RBFOX1: variants seen among roughly 807,000 people sequenced by gnomAD.
RBFOX1 encodes the protein RNA binding protein fox-1 homolog 1.
RBFOX1 carries 8 observed loss-of-function variants against 57.7 expected under a neutral mutation model. That is an observed-to-expected ratio of 0.14 (90% confidence interval 0.08 to 0.25). RBFOX1 has a LOEUF of 0.25. RBFOX1 is among the 10% of genes least tolerant of loss of function. The pLI, the probability that RBFOX1 is intolerant of heterozygous loss-of-function variation, is 1.00. For missense variants in RBFOX1, 611 were observed against 548.5 expected, an observed-to-expected ratio of 1.11 and a Z score of -1.14; for synonymous variants, 326 against 222.4, an observed-to-expected ratio of 1.47 and a Z score of -4.15.
At chr16:6,590,245 T>C (rs1282281832) in intron 2 of RBFOX1, among the ~76,000 whole-genome samples, 2 of 152,224 alleles carry the variant, frequency 1.3e-5, no homozygotes, top group African/African-American at 4.8e-5. Flanking sequence ...TTCGATTATC[T>C]TTCATGATCC....
intron 4 of RBFOX1, among the ~76,000 whole-genome samples, chr16:7,130,014 T>C (rs78479250): frequency 0.042 from 6,399 of 151,368 alleles, 468 homozygotes; most frequent in African/African-American, 0.14. Flanking sequence ...TGGCCTCTAA[T>C]CTTCTTCATT....
intron 3 of RBFOX1, among the ~76,000 whole-genome samples, chr16:6,969,826 G>A (rs903486588): frequency 5.3e-5 from 8 of 152,054 alleles, no homozygotes; most frequent in Non-Finnish European, 1.2e-4. Context: ...TCCTCGTTCT[G>A]GCCCTAATTC....
intron 3 of RBFOX1, among the ~76,000 whole-genome samples, chr16:6,813,408 G>T (rs2089264910): frequency 6.6e-6 from 1 of 152,056 alleles, no homozygotes; most frequent in Non-Finnish European, 1.5e-5. Flanking sequence ...GGGTTCCCAG[G>T]TGTCACCTCT....
At chr16:7,708,993 A>G (rs1481112793) in intron 14 of RBFOX1, 63 bp from the exon 15 acceptor site, 3 of 1,487,810 alleles carry the variant, frequency 2.0e-6, no homozygotes, top group Admixed American at 1.7e-5. Context: ...TTTGGATTTT[A>G]TGATTGTTAT....
At chr16:7,083,210 C>A (rs574000001) in intron 4 of RBFOX1, among the ~76,000 whole-genome samples, 4 of 152,098 alleles carry the variant, frequency 2.6e-5, no homozygotes, top group African/African-American at 9.6e-5. Context: ...TGTTCCATTC[C>A]GTCTGTTTAA....
At chr16:7,062,573 G>T (rs953200913) in intron 4 of RBFOX1, among the ~76,000 whole-genome samples, 4 of 152,024 alleles carry the variant, frequency 2.6e-5, no homozygotes, top group Non-Finnish European at 5.9e-5. Flanking sequence ...CCTCTTTCAC[G>T]TGTGCAGTCT....
intron 2 of RBFOX1, among the ~76,000 whole-genome samples, chr16:6,422,907 G>A (rs551449910): frequency 6.6e-6 from 1 of 152,308 alleles, no homozygotes; most frequent in East Asian, 1.9e-4. Context: ...GTGAGAATAT[G>A]CAGTATTCAG....
chr16:5,633,551 A>G (rs1321880664), intron 3 of RBFOX1, among the ~76,000 whole-genome samples: 1 of 152,160 alleles, frequency 6.6e-6, no homozygotes, highest in East Asian at 1.9e-4. Flanking sequence ...ACTCAAATCA[A>G]CAAGAATAAA....
In RBFOX1 at chr16:6,448,271, T is replaced by C. The variant is rs1380050475; in HGVS notation, c.-64+131214T>C. ...CCCTCCTGGGTTCAAGCAATTCTCC[T>C]ATCTTAGCCTCCCAAGTAGCTGGGA... is the stretch of plus-strand genomic sequence containing the variant. On this transcript the variant is annotated intron_variant, in intron 2 of 15. Transcript: ENST00000550418. Among the ~76,000 whole-genome samples the C allele has an allele frequency of 2.0e-5, 3 of 148,108 alleles. No homozygotes were observed. In the East Asian group the frequency reaches 6.5e-4, roughly 32 times the overall value.
chr16:6,585,400 C>G (rs958114200), intron 2 of RBFOX1, among the ~76,000 whole-genome samples: 2 of 152,160 alleles, frequency 1.3e-5, no homozygotes, highest in African/African-American at 4.8e-5. Context: ...TTTACTTCGA[C>G]TCTTTTTTCA....
intron 3 of RBFOX1, among the ~76,000 whole-genome samples, chr16:6,815,513 G>A (rs1175747855): frequency 6.6e-6 from 1 of 152,100 alleles, no homozygotes; most frequent in African/African-American, 2.4e-5. Context: ...TTTCTAAATT[G>A]TCACTCCAGC....
chr16:7,636,205 G>A (rs1382675492), intron 11 of RBFOX1, among the ~76,000 whole-genome samples: 1 of 152,202 alleles, frequency 6.6e-6, no homozygotes, highest in Non-Finnish European at 1.5e-5. Flanking sequence ...ACTTAACATT[G>A]CCAAACATGG....
At chr16:5,773,844 A>C (rs1040895075) in intron 3 of RBFOX1, among the ~76,000 whole-genome samples, 2 of 151,982 alleles carry the variant, frequency 1.3e-5, no homozygotes, top group African/African-American at 4.8e-5. Context: ...ACTACAGGTG[A>C]GCACTACCAT....
intron 3 of RBFOX1, among the ~76,000 whole-genome samples, chr16:6,728,570 A>G (rs1284304055): frequency 6.6e-6 from 1 of 152,208 alleles, no homozygotes. Context: ...CACAAAAAGC[A>G]CAATTACTCA....
intron 3 of RBFOX1, among the ~76,000 whole-genome samples, chr16:6,860,693 C>G (rs2058836277): frequency 6.6e-6 from 1 of 152,098 alleles, no homozygotes; most frequent in African/African-American, 2.4e-5. Context: ...AAAGTCATGT[C>G]TGGTGTGTCA....
chr16:5,583,719 T>G (rs1285565629), intron 2 of RBFOX1, among the ~76,000 whole-genome samples: 2 of 152,226 alleles, frequency 1.3e-5, no homozygotes, highest in African/African-American at 4.8e-5. Flanking sequence ...CTTTTAGGAT[T>G]GTCTCATTTT....
intron 1 of RBFOX1, among the ~76,000 whole-genome samples, chr16:6,219,240 G>C (rs1343670841): frequency 6.6e-6 from 1 of 152,188 alleles, no homozygotes; most frequent in African/African-American, 2.4e-5. Flanking sequence ...AGGCTGAGGT[G>C]GGAGGATCAC....
intron 2 of RBFOX1, among the ~76,000 whole-genome samples, chr16:6,571,436 G>C (rs745875788): frequency 6.6e-6 from 1 of 152,154 alleles, no homozygotes; most frequent in Non-Finnish European, 1.5e-5. Context: ...CCCAGTGCTC[G>C]GAGTGATTTT....
chr16:6,406,914 C>T, intron 2 of RBFOX1, among the ~76,000 whole-genome samples: 1 of 152,110 alleles, frequency 6.6e-6, no homozygotes, highest in East Asian at 1.9e-4. Context: ...GACTGTGTGA[C>T]TACGGAAAAA....
Sources: gnomAD v4.1 joint callset for allele counts (sites outside exome capture counted in the v4.1 genomes callset) on GRCh38, gnomAD v4.1.1 for gene constraint, MANE v1.5 for transcripts, NCBI Gene and HGNC (gene_info 2026-07-23, HGNC 2026-07-21) for gene names.